The following YIPF4 variants were observed in gnomAD, a reference collection of about 807,000 sequenced individuals.
YIPF4 encodes Yip1 domain family member 4, also known as protein YIPF4.
Under a neutral mutation model 29.4 loss-of-function variants are expected in YIPF4, and 18 were observed. That is an observed-to-expected ratio of 0.61 (90% CI 0.42 to 0.91). YIPF4 has a LOEUF of 0.91. Among genes scored for constraint, YIPF4 ranks in the 40% least tolerant of loss-of-function variants. The pLI is 0.00. For missense variants in YIPF4, 279 were observed against 282.7 expected, an observed-to-expected ratio of 0.99 and a Z score of 0.09; for synonymous variants, 115 against 104.7, an observed-to-expected ratio of 1.10 and a Z score of -0.60.
chr2:32,283,840 C>G (rs1252702498), intron 1 of YIPF4, among the ~76,000 whole-genome samples: 1 of 151,774 alleles, frequency 6.6e-6, no homozygotes, highest in African/African-American at 2.4e-5. Flanking sequence ...GCCTCAGCCT[C>G]CCAAGTAGCT....
intron 1 of YIPF4, among the ~76,000 whole-genome samples, chr2:32,283,513 G>A (rs552302606): frequency 6.6e-6 from 1 of 152,234 alleles, no homozygotes; most frequent in East Asian, 1.9e-4. Flanking sequence ...ATCATGCTTA[G>A]AATGTCTTTC....
intron 1 of YIPF4, among the ~76,000 whole-genome samples, chr2:32,286,006 C>A (rs1452366135): frequency 6.6e-6 from 1 of 152,068 alleles, no homozygotes; most frequent in Non-Finnish European, 1.5e-5. Context: ...ACTTTTATTT[C>A]CTTTTTGAAA....
At chr2:32,300,291 G>A (rs771177688) in intron 4 of YIPF4, among the ~76,000 whole-genome samples, 22 of 151,604 alleles carry the variant, frequency 1.5e-4, no homozygotes, top group Non-Finnish European at 2.9e-5. Context: ...AAAATTAGCC[G>A]GGCATGGAGG....
At chr2:32,289,451 A>G (rs1434471449) in intron 1 of YIPF4, among the ~76,000 whole-genome samples, 1 of 152,216 alleles carries the variant, frequency 6.6e-6, no homozygotes, top group Non-Finnish European at 1.5e-5. Flanking sequence ...TTGGTTGGAC[A>G]TGATCTCCAG....
In YIPF4 at chr2:32,306,988, C is replaced by T; in HGVS notation, c.*1362C>T. ...TTATCAAGCCCAGCCGTCTTCCTTT[C>T]CCCTAATCCCAAAAGGAAAGAAAGA... On this transcript the variant is annotated 3_prime_UTR_variant, in exon 6 of 6. Coordinates refer to ENST00000238831, the MANE Select transcript of YIPF4 (RefSeq NM_032312.4). 1.6e-6 allele frequency: 1 copy of T among 609,528 alleles called. No individual in the cohort carries two copies. The highest frequency in any genetic ancestry group is 2.5e-6 in the Non-Finnish European group (1 of 406,360). 37.8% of individuals were successfully genotyped at this position (609,528 alleles called of 1,614,324 possible).
chr2:32,306,524 T>G lies in YIPF4; in HGVS notation c.*898T>G, dbSNP rs970807451. The G allele has an allele frequency of 7.9e-5, 78 of 984,798 alleles. 1 individual carries two copies. The African/African-American group carries it at 1.3e-3, about 17-fold the overall frequency. 61.0% of individuals were successfully genotyped at this position (984,798 alleles called of 1,614,324 possible). A position where few individuals can be genotyped will look rare whatever the true frequency, so the allele number is the denominator to read the frequency against. ...AAGAGACCTTTAAAATCTTGTGGTG[T>G]TGAACAATGTTATATGAAGTAGAAA... On this transcript the variant is annotated 3_prime_UTR_variant, in exon 6 of 6. Coordinates refer to ENST00000238831, the MANE Select transcript of YIPF4 (RefSeq NM_032312.4).
At chr2:32,293,981 T>G (rs1453321548) in intron 3 of YIPF4, among the ~76,000 whole-genome samples, 2 of 116,108 alleles carry the variant, frequency 1.7e-5, no homozygotes, top group South Asian at 3.1e-4. Flanking sequence ...GGCGGCTGGC[T>G]GGGCAGGGGG....
At position 32,278,007 on chromosome 2, in the gene YIPF4, G is replaced by T; in HGVS notation, c.-149G>T. 4.7e-6 allele frequency: 3 copies of T among 643,894 alleles called. No individual in the cohort carries two copies. Among genetic ancestry groups the T allele is most frequent in the African/African-American group, 2.0e-5 (1 of 51,180 alleles). The allele number at this position is 643,894 out of a possible 1,614,324, so 39.9% of individuals were successfully genotyped here. On this transcript the variant is annotated 5_prime_UTR_variant, in exon 1 of 6. Transcript: ENST00000238831. Reference sequence around the variant, plus strand: ...TCTCGGGGCAGCTCAGCGGCCCGCTGTGCCCGTTTCTGGCCTCGCTCGCAG... The same window carrying T: ...TCTCGGGGCAGCTCAGCGGCCCGCTTTGCCCGTTTCTGGCCTCGCTCGCAG...
chr2:32,300,292 G>A (rs2031353353), intron 4 of YIPF4, among the ~76,000 whole-genome samples: 1 of 151,232 alleles, frequency 6.6e-6, no homozygotes, highest in African/African-American at 2.4e-5. Flanking sequence ...AAATTAGCCG[G>A]GCATGGAGGC....
intron 4 of YIPF4, among the ~76,000 whole-genome samples, chr2:32,300,353 G>A: frequency 6.6e-6 from 1 of 151,536 alleles, no homozygotes; most frequent in Non-Finnish European, 1.5e-5. Context: ...AGAATCTCTT[G>A]AACCCGGGAG....
intron 1 of YIPF4, among the ~76,000 whole-genome samples, chr2:32,280,830 A>G (rs1222281431): frequency 6.6e-6 from 1 of 152,156 alleles, no homozygotes; most frequent in Admixed American, 6.5e-5. Context: ...AAATATTTCA[A>G]TTTGTTTCAT....
chr2:32,309,953 G>A lies in YIPF4; in HGVS notation c.*4327G>A, dbSNP rs2031684720. ...GATCCACCCACCTTGGCCTCCCAAA[G>A]TGCTGGGATTACAGGCTTAAGCCAC... is the stretch of plus-strand genomic sequence containing the variant. On this transcript the variant is annotated 3_prime_UTR_variant, in exon 6 of 6. Transcript: ENST00000238831. 1 of 152,074 alleles carries A rather than the reference G, an allele frequency of 6.6e-6. No individual in the cohort carries two copies. Among genetic ancestry groups the A allele is most frequent in the Non-Finnish European group, 1.5e-5 (1 of 68,018 alleles). 9.4% of individuals were successfully genotyped at this position (152,074 alleles called of 1,614,324 possible). A position where few individuals can be genotyped will look rare whatever the true frequency, so the allele number is the denominator to read the frequency against.
chr2:32,296,261 C>T (rs1456287697), intron 3 of YIPF4, among the ~76,000 whole-genome samples: 1 of 152,046 alleles, frequency 6.6e-6, no homozygotes, highest in Non-Finnish European at 1.5e-5. Context: ...ATGATGAGGT[C>T]AGGAGTTCAA....
Position 32,305,493 on chromosome 2 carries a change from T to G in YIPF4, c.602T>G (p.Phe201Cys), listed in dbSNP as rs1325822313. ...FEVVSTLIKLFGVFWAAYSAA... is the reference protein window; with the variant it reads ...FEVVSTLIKLCGVFWAAYSAA... ...TCTTTTTTCCTTTTTTTAAAGCTGT[T>G]TGGTGTGTTTTGGGCTGCCTACAGT... Residue 201 changes from phenylalanine to cysteine, a missense_variant, in exon 6 of 6, where the codon TTT becomes TGT. Phe to Cys is a radical substitution (Grantham distance 205). Coordinates refer to ENST00000238831, the MANE Select transcript of YIPF4 (RefSeq NM_032312.4). 4.5e-6 allele frequency: 7 copies of G among 1,561,400 alleles called. No homozygotes were observed. The highest frequency in any genetic ancestry group is 6.0e-6 in the Non-Finnish European group (7 of 1,158,000).
At chr2:32,281,704 A>G (rs2030421643) in intron 1 of YIPF4, among the ~76,000 whole-genome samples, 2 of 152,124 alleles carry the variant, frequency 1.3e-5, no homozygotes, top group African/African-American at 4.8e-5. Flanking sequence ...CCTGGGCAAC[A>G]TGGCAAAACC....
In YIPF4 at chr2:32,307,160, G is replaced by A; in HGVS notation, c.*1534G>A. On this transcript the variant is annotated 3_prime_UTR_variant, in exon 6 of 6. Transcript: ENST00000238831. ...AAGTTAGAATAATATGAAGTAATCA[G>A]GAAATATCTATGCCTACAGAAGCAG... 1 of 1,290,886 alleles carries A rather than the reference G, an allele frequency of 7.7e-7. No homozygotes were observed. Among genetic ancestry groups the A allele is most frequent in the Non-Finnish European group, 1.0e-6 (1 of 983,878 alleles). The allele number at this position is 1,290,886 out of a possible 1,614,324, so 80.0% of individuals were successfully genotyped here.
intron 1 of YIPF4, among the ~76,000 whole-genome samples, chr2:32,279,558 C>G (rs570822232): frequency 8.0e-6 from 1 of 125,752 alleles, no homozygotes; most frequent in Non-Finnish European, 1.7e-5. Flanking sequence ...CCACCACGCC[C>G]GGCTAATTTT....
At chr2:32,298,854 A>C (rs1165205757) in intron 4 of YIPF4, among the ~76,000 whole-genome samples, 1 of 151,856 alleles carries the variant, frequency 6.6e-6, no homozygotes, top group East Asian at 1.9e-4. Context: ...TACTGCGCCC[A>C]GACAAAATTT....
Position 32,298,214 on chromosome 2 carries a change from G to T in YIPF4, c.406-20G>T. ...CTTATTTGGTATAAAAATATTAATT[G>T]CATGATTTTTCCCCCTAAGGTGGTC... On this transcript the variant is annotated intron_variant, in intron 3 of 5. Coordinates refer to ENST00000238831, the MANE Select transcript of YIPF4 (RefSeq NM_032312.4). The T allele has an allele frequency of 6.5e-7, 1 of 1,537,536 alleles. No individual in the cohort carries two copies. The highest frequency in any genetic ancestry group is 2.3e-5 in the East Asian group (1 of 44,142).
Sources: allele counts gnomAD v4.1 joint callset (sites outside exome capture counted in the v4.1 genomes callset), GRCh38; gene constraint gnomAD v4.1.1; transcripts MANE v1.5; gene names NCBI Gene and HGNC (gene_info 2026-07-23, HGNC 2026-07-21).